TMEM181: variants seen among roughly 807,000 people sequenced by gnomAD.
The protein encoded by TMEM181 is transmembrane protein 181.
Under a neutral mutation model 71.9 loss-of-function variants are expected in TMEM181, and 39 were observed. The ratio of observed to expected loss-of-function variants is 0.54; its 90% confidence interval spans 0.42 to 0.71. The LOEUF (loss-of-function observed/expected upper bound fraction) is 0.71. Among genes scored for constraint, TMEM181 ranks in the 30% least tolerant of loss-of-function variants. TMEM181 has a pLI of 0.00. For missense variants in TMEM181, 595 were observed against 583.0 expected (o/e 1.02, Z -0.21); for synonymous variants, 245 against 228.8 (o/e 1.07, Z -0.64).
rs142429743 is a variant in TMEM181, at chr6:158,634,569, T to G, written c.*2681T>G. The G allele has an allele frequency of 4.9e-4, 75 of 152,282 alleles. No individual in the cohort carries two copies. Among genetic ancestry groups the G allele is most frequent in the African/African-American group, 1.5e-3 (63 of 41,556 alleles). The allele number at this position is 152,282 out of a possible 1,614,324, so 9.4% of individuals were successfully genotyped here. A position where few individuals can be genotyped will look rare whatever the true frequency, so the allele number is the denominator to read the frequency against. ...TCCCTAGGGAGAGCTTCGTTATCCA[T>G]GTGGATGATAAGTCTGCTTGATTTA... is the stretch of plus-strand genomic sequence containing the variant. On this transcript the variant is annotated 3_prime_UTR_variant, in exon 17 of 17. Transcript: ENST00000684151.
intron 1 of TMEM181, among the ~76,000 whole-genome samples, chr6:158,549,305 G>A (rs1477701099): frequency 6.6e-6 from 1 of 151,912 alleles, no homozygotes; most frequent in African/African-American, 2.4e-5. Flanking sequence ...TAGTAGAGAC[G>A]GGGTTTCACC....
intron 3 of TMEM181, among the ~76,000 whole-genome samples, chr6:158,581,774 A>AAAAT (rs59577047): frequency 6.7e-6 from 1 of 150,278 alleles, no homozygotes; most frequent in Non-Finnish European, 1.5e-5. Flanking sequence ...AAAAAAAAAA[A>AAAAT]GCCTTAACTT....
upstream of TMEM181, chr6:158,560,069 GA>G: frequency 1.0e-6 from 1 of 985,182 alleles, no homozygotes; most frequent in Non-Finnish European, 1.2e-6. Context: ...CCGCGCACGT[GA>G]TCTCGGCGTC....
chr6:158,549,790 C>A (rs1414900504), intron 1 of TMEM181, among the ~76,000 whole-genome samples: 1 of 152,100 alleles, frequency 6.6e-6, no homozygotes, highest in Admixed American at 6.5e-5. Flanking sequence ...AGTGGCTGGG[C>A]AGGTGTTGTT....
chr6:158,569,694 G>A lies in TMEM181; in HGVS notation c.9-3726G>A, dbSNP rs975567411. 4.0e-5 allele frequency among the ~76,000 whole-genome samples: 6 copies of A among 151,766 alleles called. No individual in the cohort carries two copies. In the East Asian group the frequency reaches 9.7e-4, roughly 25 times the overall value. Reference sequence around the variant, plus strand: ...AGGCTCACTGCAACCTCCACCTCCCGGGTTCAAGCGATTCTCCTGCTTCAG... The same window carrying A: ...AGGCTCACTGCAACCTCCACCTCCCAGGTTCAAGCGATTCTCCTGCTTCAG... On this transcript the variant is annotated intron_variant, in intron 1 of 16. Coordinates refer to ENST00000684151, the MANE Select transcript of TMEM181 (RefSeq NM_001376852.1).
chr6:158,555,401 G>A (rs1427427411), upstream of TMEM181, among the ~76,000 whole-genome samples: 1 of 152,134 alleles, frequency 6.6e-6, no homozygotes, highest in Non-Finnish European at 1.5e-5. Flanking sequence ...TAAAAGAGAT[G>A]ATCCTTAGGC....
At chr6:158,538,930 A>G (rs575116441) in intron 1 of TMEM181, among the ~76,000 whole-genome samples, 1 of 152,346 alleles carries the variant, frequency 6.6e-6, no homozygotes, top group East Asian at 1.9e-4. Flanking sequence ...GCGAGCCTGG[A>G]GCACTGTGGT....
At chr6:158,543,911 A>G (rs1040248928) in intron 1 of TMEM181, among the ~76,000 whole-genome samples, 2 of 152,118 alleles carry the variant, frequency 1.3e-5, no homozygotes, top group African/African-American at 4.8e-5. Flanking sequence ...CTCTGCCAAT[A>G]TTTTCTAAGC....
intron 10 of TMEM181, among the ~76,000 whole-genome samples, chr6:158,614,569 G>A (rs899381590): frequency 6.6e-6 from 1 of 152,140 alleles, no homozygotes; most frequent in Non-Finnish European, 1.5e-5. Context: ...CATGTGCCAT[G>A]TTGGTGTGCT....
chr6:158,565,355 G>T (rs1409359497), intron 1 of TMEM181, among the ~76,000 whole-genome samples: 1 of 152,194 alleles, frequency 6.6e-6, no homozygotes, highest in Non-Finnish European at 1.5e-5. Context: ...GTCCCGAGGT[G>T]CTCAGTGCAT....
intron 1 of TMEM181, among the ~76,000 whole-genome samples, chr6:158,550,122 T>G (rs975899851): frequency 6.6e-6 from 1 of 152,014 alleles, no homozygotes; most frequent in Non-Finnish European, 1.5e-5. Flanking sequence ...GTTGCTGGTC[T>G]GGTCCCATGT....
At chr6:158,552,484 T>TG (rs1781750498) in intron 1 of TMEM181, among the ~76,000 whole-genome samples, 1 of 152,250 alleles carries the variant, frequency 6.6e-6, no homozygotes, top group Non-Finnish European at 1.5e-5. Flanking sequence ...CCTGTGAAGT[T>TG]TCCTTGTTAC....
At chr6:158,592,067 C>T (rs538345844) in intron 6 of TMEM181, among the ~76,000 whole-genome samples, 1 of 152,302 alleles carries the variant, frequency 6.6e-6, no homozygotes, top group East Asian at 1.9e-4. Flanking sequence ...TGGCACTCTT[C>T]AGCATCTGGA....
At chr6:158,555,822 C>T (rs753589625), upstream of TMEM181, among the ~76,000 whole-genome samples, 1 of 152,122 alleles carries the variant, frequency 6.6e-6, no homozygotes, top group Non-Finnish European at 1.5e-5. Context: ...GTTTAGATGG[C>T]GGCTTTTAAC....
At chr6:158,625,977 C>T (rs1296049064) in intron 13 of TMEM181, among the ~76,000 whole-genome samples, 1 of 152,228 alleles carries the variant, frequency 6.6e-6, no homozygotes, top group African/African-American at 2.4e-5. Flanking sequence ...CGTTCACTTG[C>T]ACACTCGGCC....
intron 3 of TMEM181, among the ~76,000 whole-genome samples, chr6:158,583,732 A>G (rs1224814209): frequency 6.6e-6 from 1 of 152,160 alleles, no homozygotes; most frequent in East Asian, 1.9e-4. Context: ...CCCAGGAGGC[A>G]GAGCTTGTAG....
rs539102524 is a variant in TMEM181 at position 158,620,357 on chromosome 6, C to T, written c.897-3193C>T. Among the ~76,000 whole-genome samples the T allele has an allele frequency of 8.5e-5, 13 of 152,094 alleles. No homozygotes were observed. Among genetic ancestry groups the T allele is most frequent in the Non-Finnish European group, 1.6e-4 (11 of 68,012 alleles). On this transcript the variant is annotated intron_variant, in intron 10 of 16. Transcript: ENST00000684151. This position sits in a 1 kb window ranked among gnomAD's most constrained non-coding sequence, Gnocchi z 4.5. Reference sequence around the variant, plus strand: ...CCCACTGGTCCTCTGAGGACTGGGACGGCAGACCGAACTTTCTCAGGTACC... The same window carrying T: ...CCCACTGGTCCTCTGAGGACTGGGATGGCAGACCGAACTTTCTCAGGTACC...
intron 1 of TMEM181, among the ~76,000 whole-genome samples, chr6:158,567,571 G>A (rs1227003023): frequency 6.6e-6 from 1 of 152,220 alleles, no homozygotes; most frequent in Non-Finnish European, 1.5e-5. Context: ...TGGATGCTGG[G>A]TGGGATTGAG....
At chr6:158,583,802 T>G in intron 3 of TMEM181, 152 bp from the exon 4 acceptor site, 2 of 551,958 alleles carry the variant, frequency 3.6e-6, no homozygotes, top group Non-Finnish European at 6.2e-6. Flanking sequence ...TCCATCAAAA[T>G]AAAAAAAAGA....
Sources: allele counts gnomAD v4.1 joint callset (sites outside exome capture counted in the v4.1 genomes callset), GRCh38; gene constraint gnomAD v4.1.1; non-coding constraint Gnocchi (gnomAD v3.1); transcripts MANE v1.5; gene names NCBI Gene and HGNC (gene_info 2026-07-23, HGNC 2026-07-21).